SCN3A: variants seen among roughly 807,000 people sequenced by gnomAD.
The protein encoded by SCN3A is sodium channel protein type 3 subunit alpha.
Under a neutral mutation model 187.6 loss-of-function variants are expected in SCN3A, and 60 were observed. The ratio of observed to expected loss-of-function variants is 0.32; its 90% CI spans 0.26 to 0.40. SCN3A has a LOEUF of 0.40. Among genes scored for constraint, SCN3A ranks in the 10% least tolerant of loss-of-function variants. The pLI is 1.00. For synonymous variants in SCN3A, 788 were observed against 829.2 expected, an observed-to-expected ratio of 0.95 and a Z score of 0.85; for missense variants, 1,601 against 2,428.2, an observed-to-expected ratio of 0.66 and a Z score of 7.16.
chr2:165,132,986 C>A (rs1025125785), intron 15 of SCN3A, among the ~76,000 whole-genome samples: 4 of 152,198 alleles, frequency 2.6e-5, no homozygotes, highest in Admixed American at 6.5e-5. Flanking sequence ...TGAACAGACA[C>A]TTCTCAAAAG....
chr2:165,124,985 C>T (rs1161731907), intron 18 of SCN3A, among the ~76,000 whole-genome samples: 1 of 152,164 alleles, frequency 6.6e-6, no homozygotes, highest in East Asian at 1.9e-4. Flanking sequence ...CTATTAACTC[C>T]AAACTCTTTG....
intron 9 of SCN3A, among the ~76,000 whole-genome samples, chr2:165,158,088 T>C (rs1689169392): frequency 2.0e-5 from 3 of 152,310 alleles, no homozygotes; most frequent in Admixed American, 6.5e-5. Flanking sequence ...GCTGTGTTTG[T>C]TGCTACTGGG....
At chr2:165,141,905 C>A (rs1463311793) in intron 12 of SCN3A, among the ~76,000 whole-genome samples, 1 of 152,140 alleles carries the variant, frequency 6.6e-6, no homozygotes, top group East Asian at 1.9e-4. Flanking sequence ...CAGCTATTCC[C>A]AGATAAATTA....
chr2:165,145,892 A>G (rs193205420), intron 12 of SCN3A, among the ~76,000 whole-genome samples: 4 of 152,260 alleles, frequency 2.6e-5, no homozygotes, highest in African/African-American at 9.6e-5. Flanking sequence ...CCAAAATTGT[A>G]CTTATCACAG....
chr2:165,132,684 G>C (rs1687413052), intron 15 of SCN3A, among the ~76,000 whole-genome samples: 1 of 152,134 alleles, frequency 6.6e-6, no homozygotes, highest in Non-Finnish European at 1.5e-5. Context: ...AACCCTAGAA[G>C]AAAACCTAGG....
intron 21 of SCN3A, among the ~76,000 whole-genome samples, chr2:165,104,263 A>C (rs1685743533): frequency 5.9e-5 from 9 of 152,062 alleles, no homozygotes; most frequent in Admixed American, 5.9e-4. Flanking sequence ...ATAAATATAC[A>C]GTAATTAAAG....
intron 1 of SCN3A, among the ~76,000 whole-genome samples, chr2:165,193,897 A>G (rs1691768911): frequency 6.6e-6 from 1 of 152,104 alleles, no homozygotes; most frequent in Non-Finnish European, 1.5e-5. Flanking sequence ...GGAGCACAGG[A>G]TGATTTAGGT....
chr2:165,176,382 G>T lies in SCN3A; in HGVS notation c.13C>A (p.Leu5Met), dbSNP rs769844949. 1 of 1,614,004 alleles carries T rather than the reference G, an allele frequency of 6.2e-7. No homozygotes were observed. Among genetic ancestry groups the T allele is most frequent in the Non-Finnish European group, 8.5e-7 (1 of 1,179,960 alleles). Residue 5 changes from leucine (L) to methionine (M), a missense_variant, in exon 3 of 28, where the codon CTG becomes ATG. By Grantham distance (15) the Leu-to-Met change is conservative (BLOSUM62 2). Around this residue, in one of 11 missense-constraint regions of SCN3A, gnomAD observed 74 missense variants for 77.7 expected, o/e 0.95. Transcript: ENST00000283254. ...CTTTCAGGTCCTGGGGGTACCAACA[G>T]TGCCTGTGCCATCTTTTCATCCTGC... MAQA[L>M]LVPPGPESFR... is the part of the protein sequence containing the mutation.
intron 1 of SCN3A, chr2:165,194,840 A>G (rs1293908379): frequency 1.3e-5 from 2 of 152,090 alleles, no homozygotes; most frequent in Non-Finnish European, 2.9e-5. Flanking sequence ...ATGAAAAAAA[A>G]AAGTCTTTCC....
chr2:165,188,804 CAA>C (rs763003775), intron 1 of SCN3A, among the ~76,000 whole-genome samples: 17,947 of 72,188 alleles, frequency 0.25, 1,102 homozygotes, highest in East Asian at 0.45. Context: ...CGCCCCACTT[CAA>C]AAAAAAAAAA....
At chr2:165,197,376 G>A (rs1330741499) in intron 1 of SCN3A, among the ~76,000 whole-genome samples, 1 of 152,070 alleles carries the variant, frequency 6.6e-6, no homozygotes, top group Non-Finnish European at 1.5e-5. Flanking sequence ...CAATTGCAGA[G>A]CTTTTAAGCA....
intron 10 of SCN3A, among the ~76,000 whole-genome samples, chr2:165,154,982 CT>C (rs1356839804): frequency 6.6e-6 from 1 of 152,146 alleles, no homozygotes; most frequent in Non-Finnish European, 1.5e-5. Context: ...CCTTTAAATC[CT>C]TTCAGTGGGA....
intron 2 of SCN3A, among the ~76,000 whole-genome samples, chr2:165,181,530 G>A (rs943451269): frequency 6.6e-6 from 1 of 152,096 alleles, no homozygotes; most frequent in African/African-American, 2.4e-5. Flanking sequence ...TAATGTATGG[G>A]TAGGCTGTCA....
chr2:165,133,762 A>G (rs1687500668), intron 15 of SCN3A, among the ~76,000 whole-genome samples: 1 of 152,028 alleles, frequency 6.6e-6, no homozygotes, highest in Non-Finnish European at 1.5e-5. Flanking sequence ...TTCATGGTCT[A>G]CATTTTAACT....
At chr2:165,166,224 A>G (rs1490107699) in intron 5 of SCN3A, among the ~76,000 whole-genome samples, 1 of 152,136 alleles carries the variant, frequency 6.6e-6, no homozygotes, top group East Asian at 1.9e-4. Context: ...TACATTTGGA[A>G]TGTATGGGAA....
intron 10 of SCN3A, 30 bp from the exon 11 acceptor site, chr2:165,154,688 T>C: frequency 1.3e-6 from 2 of 1,574,602 alleles, no homozygotes; most frequent in Non-Finnish European, 1.7e-6. Flanking sequence ...ATTCCATCAG[T>C]ATTTTAGTAT....
chr2:165,127,534 C>T lies in SCN3A; in HGVS notation c.3393+97G>A. The T allele has an allele frequency of 7.5e-6, 7 of 935,038 alleles. No individual in the cohort carries two copies. In the South Asian group the frequency reaches 9.7e-5, roughly 13 times the overall value. 57.9% of individuals were successfully genotyped at this position (935,038 alleles called of 1,614,324 possible). A position where few individuals can be genotyped will look rare whatever the true frequency, so the allele number is the denominator to read the frequency against. ...TATAGACATATGACTTTCAATATTGCTTTTTGATAATGCATATAAGCACAA... is the reference window on the plus strand; with the variant it reads ...TATAGACATATGACTTTCAATATTGTTTTTTGATAATGCATATAAGCACAA... On this transcript the variant is annotated intron_variant, in intron 18 of 27. Coordinates refer to ENST00000283254, the MANE Select transcript of SCN3A (RefSeq NM_006922.4).
intron 5 of SCN3A, among the ~76,000 whole-genome samples, chr2:165,166,890 A>G (rs1689792284): frequency 6.6e-6 from 1 of 151,202 alleles, no homozygotes; most frequent in South Asian, 2.1e-4. Context: ...AGAGGCCTGT[A>G]TATTCAATTG....
At chr2:165,130,468 T>C in intron 16 of SCN3A, 172 bp from the exon 17 acceptor site, 1 of 668,036 alleles carries the variant, frequency 1.5e-6, no homozygotes, top group Admixed American at 2.8e-5. Flanking sequence ...ATTAGAATTG[T>C]AAATCTGGTC....
Sources: gnomAD v4.1 joint callset for allele counts (sites outside exome capture counted in the v4.1 genomes callset) on GRCh38, gnomAD v4.1.1 for gene constraint, gnomAD v4.1.1 regional missense constraint, MANE v1.5 for transcripts, NCBI Gene and HGNC (gene_info 2026-07-23, HGNC 2026-07-21) for gene names.